The following DENND2C variants were observed in gnomAD, a reference collection of about 807,000 sequenced individuals.
DENND2C encodes the protein DENN domain containing 2C, also known as DENN domain-containing protein 2C.
Under a neutral mutation model 112.4 loss-of-function variants are expected in DENND2C, and 72 were observed. The ratio of observed to expected loss-of-function variants is 0.64; its 90% confidence interval spans 0.53 to 0.78. The LOEUF (loss-of-function observed/expected upper bound fraction) is 0.78, where lower values mean the gene tolerates loss of function less well. DENND2C is among the 30% of genes least tolerant of loss of function. The pLI, the probability that DENND2C is intolerant of heterozygous loss-of-function variation, is 0.00. For missense variants in DENND2C, 992 were observed against 1,113.8 expected (o/e 0.89, Z 1.56); for synonymous variants, 329 against 381.6 (o/e 0.86, Z 1.61).
At chr1:114,633,368 C>G (rs1329800110) in intron 3 of DENND2C, among the ~76,000 whole-genome samples, 1 of 136,590 alleles carries the variant, frequency 7.3e-6, no homozygotes, top group Non-Finnish European at 1.5e-5. Flanking sequence ...TCGCTTGAAG[C>G]AAGCGAGGTT....
chr1:114,587,260 T>G (rs1052606775), intron 20 of DENND2C, 127 bp downstream of exon 20: 11 of 985,544 alleles, frequency 1.1e-5, no homozygotes, highest in Non-Finnish European at 1.8e-5. Flanking sequence ...TTGCCCACGC[T>G]GGTCTCAAAC....
chr1:114,596,871 C>T (rs1191448718), intron 16 of DENND2C, among the ~76,000 whole-genome samples: 3 of 151,698 alleles, frequency 2.0e-5, no homozygotes, highest in Non-Finnish European at 4.4e-5. Flanking sequence ...ATGAAGCAAC[C>T]CCTACTTCAC....
chr1:114,589,099 C>CA (rs1458708700), intron 18 of DENND2C, among the ~76,000 whole-genome samples: 8 of 152,176 alleles, frequency 5.3e-5, no homozygotes, highest in Admixed American at 2.6e-4. Context: ...GCTGGACTCA[C>CA]AAGTCAGGTG....
At chr1:114,652,320 A>G (rs983932016) in intron 2 of DENND2C, among the ~76,000 whole-genome samples, 1 of 152,216 alleles carries the variant, frequency 6.6e-6, no homozygotes, top group African/African-American at 2.4e-5. Context: ...TGCTATACAT[A>G]CATCTATATA....
intron 2 of DENND2C, among the ~76,000 whole-genome samples, chr1:114,649,005 A>G (rs1418993667): frequency 6.6e-6 from 1 of 151,564 alleles, no homozygotes. Context: ...CCCAGGCTAG[A>G]GTGCAGTGAC....
In DENND2C at chr1:114,611,068, C is replaced by G. The variant is rs772575321; in HGVS notation, c.1369+5G>C. On this transcript the variant is annotated splice_donor_5th_base_variant and intron_variant, in intron 9 of 20. Coordinates refer to ENST00000393274, the MANE Select transcript of DENND2C (RefSeq NM_001256404.2). ...CAACGGGAGCAGCCCCATTGACTCA[C>G]TCACTCTTTGGCAGATACTCGGCAT... The G allele has an allele frequency of 9.3e-6, 15 of 1,614,086 alleles. No homozygotes were observed. In the African/African-American group the frequency reaches 9.3e-5, roughly 10 times the overall value.
chr1:114,599,231 A>G (rs769621700), intron 16 of DENND2C, 43 bp downstream of exon 16: 3 of 1,462,192 alleles, frequency 2.1e-6, no homozygotes, highest in East Asian at 2.3e-5. Flanking sequence ...ACTTATTTTT[A>G]CTTCTCAATG....
At chr1:114,631,763 C>T (rs1361840011) in intron 3 of DENND2C, among the ~76,000 whole-genome samples, 1 of 151,876 alleles carries the variant, frequency 6.6e-6, no homozygotes, top group African/African-American at 2.4e-5. Flanking sequence ...GCCTGGGCAA[C>T]AGAGCGAGAC....
intron 18 of DENND2C, among the ~76,000 whole-genome samples, chr1:114,593,305 TACTC>T (rs1325434992): frequency 3.9e-5 from 6 of 152,232 alleles, no homozygotes; most frequent in Non-Finnish European, 7.3e-5. Context: ...TTTCTAACAA[TACTC>T]ACTCTATACG....
Position 114,595,834 on chromosome 1 carries a change from C to T in DENND2C, c.2323G>A (p.Glu775Lys), listed in dbSNP as rs146178653. Residue 775 changes from glutamate (E) to lysine (K), a missense_variant and splice_region_variant, in exon 17 of 21, where the codon GAG (glutamate) becomes AAG (lysine). Transcript: ENST00000393274. ...TAATTACCTCCTTTGGCACTCACCTCCTGTAAGAACTTGTCTGCACAGAGA... is the reference window on the plus strand; with the variant it reads ...TAATTACCTCCTTTGGCACTCACCTTCTGTAAGAACTTGTCTGCACAGAGA... ...VDLCADKFLQ[E>K]VSDEDEILPP... The T allele has an allele frequency of 6.9e-5, 112 of 1,613,760 alleles. No individual in the cohort carries two copies. In the African/African-American group the frequency reaches 1.4e-3, roughly 20 times the overall value.
chr1:114,651,181 T>C (rs6692088), intron 2 of DENND2C, among the ~76,000 whole-genome samples: 1 of 151,926 alleles, frequency 6.6e-6, no homozygotes. Context: ...CTTACACCTG[T>C]AAACCCAGCA....
intron 3 of DENND2C, among the ~76,000 whole-genome samples, chr1:114,640,535 T>C (rs1656806903): frequency 6.6e-6 from 1 of 152,162 alleles, no homozygotes; most frequent in South Asian, 2.1e-4. Flanking sequence ...GTTTCAGAGG[T>C]GTGTGCATGT....
intron 2 of DENND2C, among the ~76,000 whole-genome samples, chr1:114,648,957 T>G (rs1657074542): frequency 6.6e-6 from 1 of 151,794 alleles, no homozygotes; most frequent in African/African-American, 2.4e-5. Flanking sequence ...CACATAATTA[T>G]CCTTTTTTTT....
At chr1:114,664,976 C>A (rs925658402) in intron 1 of DENND2C, among the ~76,000 whole-genome samples, 13 of 151,728 alleles carry the variant, frequency 8.6e-5, no homozygotes, top group African/African-American at 2.4e-4. Context: ...CGCCTGTAGT[C>A]CCAGCTACTT....
chr1:114,648,303 T>G (rs1222187404), intron 2 of DENND2C, among the ~76,000 whole-genome samples: 1 of 152,158 alleles, frequency 6.6e-6, no homozygotes, highest in Non-Finnish European at 1.5e-5. Context: ...TTGGTAGACA[T>G]AACAATAATA....
In DENND2C at chr1:114,601,546, T is replaced by C. The variant is rs368970434; in HGVS notation, c.1777A>G (p.Met593Val). 1.2e-6 allele frequency: 2 copies of C among 1,613,642 alleles called. No homozygotes were observed. Among genetic ancestry groups the C allele is most frequent in the African/African-American group, 2.7e-5 (2 of 74,912 alleles). ...TTGAAGCAGCCTAGGCGACTAACCA[T>C]GCAGTATACCTCAGGGAGTCGCTTT... ...KGKRLPEVYCMVSRLGCFNLF... is the reference protein window; with the variant it reads ...KGKRLPEVYCVVSRLGCFNLF... Residue 593 changes from methionine to valine, a missense_variant, in exon 13 of 21, where the codon ATG (methionine) becomes GTG (valine). Transcript: ENST00000393274.
intron 1 of DENND2C, among the ~76,000 whole-genome samples, chr1:114,669,025 T>C (rs985553789): frequency 1.3e-5 from 2 of 152,176 alleles, no homozygotes; most frequent in African/African-American, 4.8e-5. Flanking sequence ...CATTTAAAAA[T>C]AGGACACACT....
intron 2 of DENND2C, among the ~76,000 whole-genome samples, chr1:114,652,661 C>CTTTTTT (rs55647145): frequency 1.8e-5 from 2 of 109,852 alleles, no homozygotes; most frequent in South Asian, 6.7e-4. Context: ...CTTACATTTA[C>CTTTTTT]TTTTTTTTTT....
Position 114,621,758 on chromosome 1 carries a change from A to G in DENND2C, c.1227+137T>C, listed in dbSNP as rs917738160. The G allele has an allele frequency of 2.5e-5, 30 of 1,184,072 alleles. No individual in the cohort carries two copies. The East Asian group carries it at 7.5e-4, about 30-fold the overall frequency. 73.3% of individuals were successfully genotyped at this position (1,184,072 alleles called of 1,614,324 possible). A position where few individuals can be genotyped will look rare whatever the true frequency, so the allele number is the denominator to read the frequency against. ...TCTAGCATGAGCAAAAATTTAAAACATAACGCTGCCTTCTAAGTCTTCTAA... is the reference window on the plus strand; with the variant it reads ...TCTAGCATGAGCAAAAATTTAAAACGTAACGCTGCCTTCTAAGTCTTCTAA... On this transcript the variant is annotated intron_variant, in intron 7 of 20. Transcript: ENST00000393274.
Sources: gnomAD v4.1 joint callset for allele counts (sites outside exome capture counted in the v4.1 genomes callset) on GRCh38, gnomAD v4.1.1 for gene constraint, MANE v1.5 for transcripts, NCBI Gene and HGNC (gene_info 2026-07-23, HGNC 2026-07-21) for gene names.